GNE: variants seen among roughly 807,000 people sequenced by gnomAD.
GNE encodes bifunctional UDP-N-acetylglucosamine 2-epimerase/N-acetylmannosamine kinase.
A neutral mutation model predicts 61.8 loss-of-function variants in GNE; 41 were observed. The observed-to-expected ratio is 0.66, with a 90% CI of 0.52 to 0.86. GNE has a LOEUF of 0.86. Ranked by LOEUF, GNE falls within the 40% of genes least tolerant of loss-of-function variation. GNE has a pLI of 0.00. For synonymous variants in GNE, 264 were observed against 326.4 expected, an observed-to-expected ratio of 0.81 and a Z score of 2.06; for missense variants, 608 against 909.1, an observed-to-expected ratio of 0.67 and a Z score of 4.26.
rs1227061908 is a variant in GNE, at chr9:36,218,662, A to G, written c.1817-363T>C. The stretch of plus-strand genomic sequence containing the variant: ...TCCTTCCTTACTCATCCCAGACACA[A>G]TGCTGTGCCATCTGCCAGCGCCACG... On this transcript the variant is annotated intron_variant, in intron 10 of 11. Coordinates refer to ENST00000642385, the MANE Select transcript of GNE (RefSeq NM_005476.7). This position sits in a 1 kb window ranked among gnomAD's most constrained non-coding sequence, Gnocchi z 4.1. Among the ~76,000 whole-genome samples, 1 of 152,114 alleles carries G rather than the reference A, an allele frequency of 6.6e-6. No homozygotes were observed. The highest frequency in any genetic ancestry group is 1.5e-5 in the Non-Finnish European group (1 of 68,014).
rs551725041 is a variant in GNE at position 36,248,318 on chromosome 9, C to CTT, written c.164+872_164+873dup. ...GTTCTCTCAGATTATTCAACCTTTGCTTTTTTTTTTTTTGAGACGGAGTCT... is the reference window on the plus strand; with the variant it reads ...GTTCTCTCAGATTATTCAACCTTTGCTTTTTTTTTTTTTTTGAGACGGAGTCT... On this transcript the variant is annotated intron_variant, in intron 2 of 11. Transcript: ENST00000642385. 1.5e-4 allele frequency among the ~76,000 whole-genome samples: 21 copies of CTT among 142,146 alleles called. 1 individual carries two copies. The highest frequency in any genetic ancestry group is 3.5e-4 in the Admixed American group (5 of 14,156). 93.3% of individuals were successfully genotyped at this position (142,146 alleles called of 152,430 possible). A position where few individuals can be genotyped will look rare whatever the true frequency, so the allele number is the denominator to read the frequency against.
upstream of GNE, among the ~76,000 whole-genome samples, chr9:36,260,981 G>A (rs1344689341): frequency 6.6e-6 from 1 of 151,594 alleles, no homozygotes; most frequent in East Asian, 1.9e-4. Flanking sequence ...GGTGTCAGTT[G>A]GGTTGCCTTC....
At chr9:36,276,341 G>A (rs761065818) in intron 1 of GNE, among the ~76,000 whole-genome samples, 1 of 152,082 alleles carries the variant, frequency 6.6e-6, no homozygotes, top group Non-Finnish European at 1.5e-5. Context: ...CTACACTATA[G>A]TATAGCACAC....
Position 36,223,428 on chromosome 9 carries a change from C to T in GNE, c.1356G>A (p.Met452Ile). The T allele has an allele frequency of 6.2e-7, 1 of 1,612,430 alleles. No individual in the cohort carries two copies. The highest frequency in any genetic ancestry group is 8.5e-7 in the Non-Finnish European group (1 of 1,178,430). Residue 452 changes from methionine (M) to isoleucine (I), a missense_variant, in exon 8 of 12, where the codon ATG becomes ATA. Coordinates refer to ENST00000642385, the MANE Select transcript of GNE (RefSeq NM_005476.7). ...YEERINLILQ[M>I]CVEAAAEAVK... Reference sequence around the variant, plus strand: ...CAGCTTCTGCTGCAGCTTCCACACACATCTGTAGGATTAAATTAATCCTCT... The same window carrying T: ...CAGCTTCTGCTGCAGCTTCCACACATATCTGTAGGATTAAATTAATCCTCT...
In GNE at chr9:36,216,819, C is replaced by T. The variant is rs1828331595; in HGVS notation, c.*546G>A. ...CCCGAGTAGCTGGGACCCGCCACCA[C>T]ACCCAGCTAATTTTTTGTATTTTTA... On this transcript the variant is annotated 3_prime_UTR_variant, in exon 12 of 12. Coordinates refer to ENST00000642385, the MANE Select transcript of GNE (RefSeq NM_005476.7). 1 of 168,270 alleles carries T rather than the reference C, an allele frequency of 5.9e-6. No homozygotes were observed. The highest frequency in any genetic ancestry group is 1.3e-5 in the Non-Finnish European group (1 of 77,120). The allele number at this position is 168,270 out of a possible 1,614,324, so 10.4% of individuals were successfully genotyped here.
At chr9:36,224,165 G>A (rs7856976) in intron 7 of GNE, among the ~76,000 whole-genome samples, 2,454 of 152,210 alleles carry the variant, frequency 0.016, 62 homozygotes, top group African/African-American at 0.056. Context: ...GAGGTGACCG[G>A]GCATAGTGGC....
At chr9:36,221,991 A>G (rs1201721707) in intron 9 of GNE, among the ~76,000 whole-genome samples, 2 of 152,064 alleles carry the variant, frequency 1.3e-5, no homozygotes, top group African/African-American at 4.8e-5. Context: ...GGACGAACTT[A>G]TTTTCAAAAA....
chr9:36,243,881 G>A (rs1829751610), intron 3 of GNE, among the ~76,000 whole-genome samples: 1 of 151,686 alleles, frequency 6.6e-6, no homozygotes, highest in African/African-American at 2.4e-5. Context: ...ATGTAATCTA[G>A]ATTAAAAATA....
intron 7 of GNE, 75 bp downstream of exon 7, chr9:36,227,173 C>G: frequency 1.1e-6 from 1 of 889,078 alleles, no homozygotes; most frequent in Non-Finnish European, 1.9e-6. Context: ...GTCTTACCTT[C>G]CAACTATATA....
intron 5 of GNE, among the ~76,000 whole-genome samples, chr9:36,231,763 G>A (rs1387476827): frequency 6.6e-6 from 1 of 152,092 alleles, no homozygotes; most frequent in African/African-American, 2.4e-5. Context: ...TGTTATAGCA[G>A]CCAAACTGAC....
At chr9:36,253,644 A>G (rs1475225465) in intron 1 of GNE, among the ~76,000 whole-genome samples, 1 of 152,146 alleles carries the variant, frequency 6.6e-6, no homozygotes, top group Non-Finnish European at 1.5e-5. Context: ...ATTTAAAGAT[A>G]TTGGAAATAT....
chr9:36,219,748 G>T, intron 10 of GNE, 90 bp downstream of exon 10: 1 of 1,168,830 alleles, frequency 8.6e-7, no homozygotes, highest in South Asian at 1.2e-5. Flanking sequence ...GGAAACTTCT[G>T]GCTTCAGTGT....
intron 3 of GNE, among the ~76,000 whole-genome samples, chr9:36,242,735 T>TCC (rs1563944118): frequency 3.2e-5 from 3 of 95,188 alleles, no homozygotes; most frequent in Non-Finnish European, 7.0e-5. Flanking sequence ...TATGCTTGTT[T>TCC]TTTTTTTTTT....
At chr9:36,270,486 C>G (rs371968547) in intron 1 of GNE, among the ~76,000 whole-genome samples, 1 of 151,006 alleles carries the variant, frequency 6.6e-6, no homozygotes, top group Admixed American at 6.6e-5. Flanking sequence ...ATCCCAGCTA[C>G]TTGGGAGGCT....
In GNE at chr9:36,217,532, AGAG is replaced by A; in HGVS notation, c.1999_2001del (p.Leu667del). ...ATATAGTGACTGGCCAGGACTCCGG[AGAG>A]GATCACAAGGGAGGGATTCATGGTA... is the stretch of plus-strand genomic sequence containing the variant. On this transcript the variant is annotated inframe_deletion, in exon 12 of 12. Coordinates refer to ENST00000642385, the MANE Select transcript of GNE (RefSeq NM_005476.7). 1 of 1,614,162 alleles carries A rather than the reference AGAG, an allele frequency of 6.2e-7. No individual in the cohort carries two copies. Among genetic ancestry groups the A allele is most frequent in the Non-Finnish European group, 8.5e-7 (1 of 1,179,984 alleles).
intron 1 of GNE, among the ~76,000 whole-genome samples, chr9:36,271,376 T>G (rs978808765): frequency 2.0e-5 from 3 of 152,350 alleles, no homozygotes; most frequent in Non-Finnish European, 4.4e-5. Flanking sequence ...TCAAACTTTT[T>G]GTTTCATTTT....
At chr9:36,228,187 A>G (rs1283490931) in intron 6 of GNE, among the ~76,000 whole-genome samples, 2 of 151,896 alleles carry the variant, frequency 1.3e-5, no homozygotes, top group Admixed American at 6.6e-5. Context: ...TCATAATTAT[A>G]CAGAACTAAA....
chr9:36,246,211 T>TA lies in GNE; in HGVS notation c.435dup (p.Ile146TyrfsTer28). 1 of 1,614,224 alleles carries TA rather than the reference T, an allele frequency of 6.2e-7. No individual in the cohort carries two copies. The highest frequency in any genetic ancestry group is 8.5e-7 in the Non-Finnish European group (1 of 1,180,030). ...GCCAGTTTTGTTATGGCATGTCTGA[T>TA]AGAGTCATCAATGGTCCCACTGACT... On this transcript the variant is annotated frameshift_variant, in exon 3 of 12. Coordinates refer to ENST00000642385, the MANE Select transcript of GNE (RefSeq NM_005476.7). LOFTEE classifies it high-confidence loss of function.
chr9:36,257,744 A>T (rs1409166189), intron 1 of GNE, among the ~76,000 whole-genome samples: 2 of 129,526 alleles, frequency 1.5e-5, no homozygotes, highest in Non-Finnish European at 3.1e-5. Context: ...CGGAGCTTGC[A>T]GTGAGCCGAG....
Sources: allele counts gnomAD v4.1 joint callset (sites outside exome capture counted in the v4.1 genomes callset), GRCh38; gene constraint gnomAD v4.1.1; non-coding constraint Gnocchi (gnomAD v3.1); transcripts MANE v1.5; gene names NCBI Gene and HGNC (gene_info 2026-07-23, HGNC 2026-07-21).